The following OFD1 variants were observed in gnomAD, a reference collection of about 807,000 sequenced individuals.
OFD1 encodes the protein OFD1 centriole and centriolar satellite protein, also known as centriole and centriolar satellite protein OFD1.
A neutral mutation model predicts 81.4 loss-of-function variants in OFD1; 12 were observed. The observed-to-expected ratio is 0.15, with a 90% confidence interval of 0.09 to 0.24. The LOEUF is 0.24. Ranked by LOEUF, OFD1 falls within the 10% of genes least tolerant of loss-of-function variation. OFD1 has a pLI of 1.00. For missense variants in OFD1, 685 were observed against 733.9 expected (o/e 0.93, Z 0.77); for synonymous variants, 256 against 263.7 (o/e 0.97, Z 0.28).
downstream of OFD1, among the ~76,000 whole-genome samples, chrX:13,770,347 A>G (rs1218513602): frequency 8.9e-6 from 1 of 112,456 alleles, no homozygotes; most frequent in African/African-American, 3.2e-5. Context: ...GTGATGATCT[A>G]GAGTCAGCAC....
Position 13,735,313 on chromosome X carries a change from G to A in OFD1, c.78G>A (p.Thr26=). 2 of 1,210,461 alleles carry A rather than the reference G, an allele frequency of 1.7e-6. No homozygotes were observed. The highest frequency in any genetic ancestry group is 2.2e-6 in the Non-Finnish European group (2 of 894,038). ...AACTGCGCAAAAAGCTATACCAGAC[G>A]TTTAAGGATCGGGGTATACTGGATA... ...QDELRKKLYQ[T]FKDRGILDTL... Residue 26 remains threonine, a synonymous_variant, in exon 2 of 23, where the codon ACG becomes ACA. Coordinates refer to ENST00000340096, the MANE Select transcript of OFD1 (RefSeq NM_003611.3).
At chrX:13,769,652 T>G (rs1360841752), downstream of OFD1, among the ~76,000 whole-genome samples, 10 of 110,141 alleles carry the variant, frequency 9.1e-5, no homozygotes, top group African/African-American at 3.3e-4. Context: ...AACCCCCCCG[T>G]GTGATAGAAT....
chrX:13,715,069 A>G, the OFD1 span, among the ~76,000 whole-genome samples: 1 of 112,908 alleles, frequency 8.9e-6, no homozygotes, highest in Admixed American at 9.4e-5. Flanking sequence ...GTTCATCTTT[A>G]TAAGAGGGCT....
chrX:13,735,592 AAGAT>A (rs1477230461), intron 2 of OFD1, among the ~76,000 whole-genome samples: 5 of 112,508 alleles, frequency 4.4e-5, no homozygotes, highest in African/African-American at 6.5e-5. Context: ...AACTGACAAT[AAGAT>A]AGGAGAAGGA....
chrX:13,754,582 A>T (rs141763020), intron 11 of OFD1, among the ~76,000 whole-genome samples: 1 of 109,684 alleles, frequency 9.1e-6, no homozygotes. Context: ...ATGCCTGGCT[A>T]ATTTTTGTAG....
chrX:13,773,030 T>A, downstream of OFD1: 1 of 1,208,717 alleles, frequency 8.3e-7, no homozygotes, highest in Non-Finnish European at 1.1e-6. Flanking sequence ...AGGAAGTGGA[T>A]CTGGAAGAGA....
intron 5 of OFD1, among the ~76,000 whole-genome samples, chrX:13,739,576 T>A (rs1470164502): frequency 2.7e-5 from 3 of 110,909 alleles, no homozygotes; most frequent in Non-Finnish European, 5.7e-5. Context: ...AGAAACCCCG[T>A]TTCTACTAAA....
intron 18 of OFD1, 31 bp downstream of exon 18, chrX:13,762,475 A>G (rs772439299): frequency 2.2e-6 from 2 of 929,060 alleles, no homozygotes; most frequent in African/African-American, 3.8e-5. Context: ...CAGTTTTTAT[A>G]TGTTGAAAAT....
upstream of OFD1, among the ~76,000 whole-genome samples, chrX:13,732,579 A>G (rs904613999): frequency 8.9e-6 from 1 of 112,670 alleles, no homozygotes; most frequent in African/African-American, 3.2e-5. Context: ...GGGGAAGTGC[A>G]GTACCTACAG....
intron 5 of OFD1, among the ~76,000 whole-genome samples, chrX:13,743,403 C>G (rs2047181132): frequency 8.9e-6 from 1 of 112,108 alleles, no homozygotes; most frequent in Non-Finnish European, 1.9e-5. Context: ...TTATTGTTTG[C>G]TTTTTGCCAT....
At chrX:13,768,255 G>A in intron 21 of OFD1, 31 bp downstream of exon 21, 2 of 1,093,351 alleles carry the variant, frequency 1.8e-6, no homozygotes, top group Non-Finnish European at 2.5e-6. Context: ...GCAATCTGTG[G>A]GTGGGGGACA....
chrX:13,730,113 C>G (rs1330469728), upstream of OFD1, among the ~76,000 whole-genome samples: 5 of 110,931 alleles, frequency 4.5e-5, no homozygotes, highest in East Asian at 1.4e-3. Context: ...GCAAAAGAAA[C>G]TACCATCAGA....
intron 17 of OFD1, among the ~76,000 whole-genome samples, chrX:13,761,985 T>A (rs73451150): frequency 0.01 from 1,062 of 105,556 alleles, 17 homozygotes; most frequent in African/African-American, 0.035. Context: ...GGCGCTTTGC[T>A]CACTCAAGGT....
rs1041888243 is a variant in OFD1, at chrX:13,734,766, C to T, written c.-306C>T. The T allele has an allele frequency of 8.2e-5, 86 of 1,053,601 alleles. No individual in the cohort carries two copies. Among genetic ancestry groups the T allele is most frequent in the Non-Finnish European group, 1.5e-5 (12 of 823,936 alleles). The allele number at this position is 1,053,601 out of a possible 1,213,427, so 86.8% of individuals were successfully genotyped here. Reference sequence around the variant, plus strand: ...TTGCCGGACTGGCTGTGAGGCGGTCCTGCCTCGCTGCCTTCAGTCCCTAGT... The same window carrying T: ...TTGCCGGACTGGCTGTGAGGCGGTCTTGCCTCGCTGCCTTCAGTCCCTAGT... On this transcript the variant is annotated 5_prime_UTR_variant, in exon 1 of 23. Transcript: ENST00000340096.
At chrX:13,748,956 A>G (rs1344102779) in intron 8 of OFD1, among the ~76,000 whole-genome samples, 1 of 108,575 alleles carries the variant, frequency 9.2e-6, no homozygotes, top group East Asian at 2.9e-4. Flanking sequence ...CCATCTCTAC[A>G]AAAATACAAA....
rs186414118 is a variant in OFD1, at chrX:13,746,554, A to G, written c.654+99A>G. ...TGGGAAAATATCTAGAACTTTTAAT[A>G]ACGAATGGGATACTGTACTGTTGTG... On this transcript the variant is annotated intron_variant, in intron 7 of 22. Transcript: ENST00000340096. 281 of 1,018,644 alleles carry G rather than the reference A, an allele frequency of 2.8e-4. 1 individual carries two copies. The African/African-American group carries it at 4.6e-3, about 17-fold the overall frequency. The allele number at this position is 1,018,644 out of a possible 1,213,427, so 83.9% of individuals were successfully genotyped here.
At chrX:13,758,781 T>C (rs2047812559) in intron 15 of OFD1, among the ~76,000 whole-genome samples, 1 of 111,714 alleles carries the variant, frequency 9.0e-6, no homozygotes, top group Non-Finnish European at 1.9e-5. Context: ...TCAGTAGTTT[T>C]ACGGATTCCT....
intron 6 of OFD1, among the ~76,000 whole-genome samples, chrX:13,745,012 C>G (rs772541216): frequency 3.6e-5 from 4 of 111,910 alleles, no homozygotes; most frequent in Non-Finnish European, 7.5e-5. Context: ...TGATCTGGAG[C>G]TTTTTGTACT....
At chrX:13,768,684 A>T (rs776680761) in intron 21 of OFD1, 34 bp from the exon 22 acceptor site, 4 of 1,120,485 alleles carry the variant, frequency 3.6e-6, no homozygotes, top group Non-Finnish European at 4.9e-6. Context: ...TGCATATCTA[A>T]TTTCAAAATT....
Sources: allele counts gnomAD v4.1 joint callset (sites outside exome capture counted in the v4.1 genomes callset), GRCh38; gene constraint gnomAD v4.1.1; transcripts MANE v1.5; gene names NCBI Gene and HGNC (gene_info 2026-07-23, HGNC 2026-07-21).